Variants in HS6ST3 observed in about 807,000 individuals in gnomAD.
The protein encoded by HS6ST3 is heparan sulfate 6-O-sulfotransferase 3.
HS6ST3 carries 12 observed loss-of-function variants against 36.7 expected under a neutral mutation model. The observed-to-expected ratio is 0.33, with a 90% CI of 0.21 to 0.53. The LOEUF (loss-of-function observed/expected upper bound fraction) is 0.53, where lower values mean the gene tolerates loss of function less well. HS6ST3 is among the 20% of genes least tolerant of loss of function. The pLI is 0.95. For synonymous variants in HS6ST3, 240 were observed against 257.5 expected (o/e 0.93, Z 0.65); for missense variants, 584 against 640.9 (o/e 0.91, Z 0.96).
chr13:96,244,636 G>A (rs2054576448), intron 1 of HS6ST3, among the ~76,000 whole-genome samples: 1 of 152,124 alleles, frequency 6.6e-6, no homozygotes, highest in Non-Finnish European at 1.5e-5. Flanking sequence ...AAAAAATACT[G>A]TTTTCTTCAC....
intron 1 of HS6ST3, among the ~76,000 whole-genome samples, chr13:96,550,963 A>G (rs1048137083): frequency 1.6e-4 from 25 of 152,182 alleles, no homozygotes; most frequent in African/African-American, 6.0e-4. Flanking sequence ...AGTAATTATA[A>G]AATTATTAAC....
intron 1 of HS6ST3, among the ~76,000 whole-genome samples, chr13:96,727,243 A>G (rs1876027491): frequency 6.6e-6 from 1 of 152,202 alleles, no homozygotes; most frequent in African/African-American, 2.4e-5. Context: ...AAGTGGGGAT[A>G]ATAAAGGTGC....
intron 1 of HS6ST3, among the ~76,000 whole-genome samples, chr13:96,282,565 T>G (rs1449115669): frequency 6.6e-6 from 1 of 152,146 alleles, no homozygotes; most frequent in Admixed American, 6.6e-5. Context: ...TGCCAGGAAT[T>G]AAACCTACAT....
intron 1 of HS6ST3, among the ~76,000 whole-genome samples, chr13:96,448,567 A>G (rs993177748): frequency 6.6e-6 from 1 of 151,778 alleles, no homozygotes; most frequent in Non-Finnish European, 1.5e-5. Context: ...ACTCAAAATA[A>G]TGGTGATATC....
chr13:96,744,196 T>C (rs1430832526), intron 1 of HS6ST3, among the ~76,000 whole-genome samples: 1 of 152,084 alleles, frequency 6.6e-6, no homozygotes, highest in East Asian at 1.9e-4. Flanking sequence ...ATTTTAATTT[T>C]TTTTCTCTTT....
At chr13:96,207,301 A>G (rs1288220393) in intron 1 of HS6ST3, among the ~76,000 whole-genome samples, 1 of 152,080 alleles carries the variant, frequency 6.6e-6, no homozygotes, top group Non-Finnish European at 1.5e-5. Context: ...AAGTCACAAA[A>G]CAACAGATGC....
At chr13:96,210,257 A>G (rs186765531) in intron 1 of HS6ST3, among the ~76,000 whole-genome samples, 91 of 152,336 alleles carry the variant, frequency 6.0e-4, no homozygotes, top group Non-Finnish European at 7.1e-4. Context: ...TTCCATTTCA[A>G]AATATTTTCC....
intron 1 of HS6ST3, among the ~76,000 whole-genome samples, chr13:96,248,020 CAAGTT>C (rs1252774486): frequency 1.3e-5 from 2 of 152,078 alleles, no homozygotes; most frequent in African/African-American, 2.4e-5. Flanking sequence ...TAATATAAGA[CAAGTT>C]AAGATAATCA....
intron 1 of HS6ST3, among the ~76,000 whole-genome samples, chr13:96,548,336 G>C (rs560877853): frequency 6.6e-6 from 1 of 152,066 alleles, no homozygotes; most frequent in South Asian, 2.1e-4. Flanking sequence ...ACATCTGCAG[G>C]AATCAATCCC....
intron 1 of HS6ST3, among the ~76,000 whole-genome samples, chr13:96,492,285 ACT>A (rs2055950271): frequency 1.6e-4 from 24 of 152,084 alleles, no homozygotes; most frequent in Admixed American, 1.6e-3. Flanking sequence ...AACTAAAAAG[ACT>A]CTCAGTTCTC....
chr13:96,123,447 T>C (rs2053935863), intron 1 of HS6ST3, among the ~76,000 whole-genome samples: 1 of 152,228 alleles, frequency 6.6e-6, no homozygotes, highest in African/African-American at 2.4e-5. Flanking sequence ...AATGGTATTA[T>C]GAATGGGTGG....
intron 1 of HS6ST3, among the ~76,000 whole-genome samples, chr13:96,732,688 G>A (rs1876189548): frequency 6.6e-6 from 1 of 152,114 alleles, no homozygotes; most frequent in South Asian, 2.1e-4. Flanking sequence ...TGTGAAAAAT[G>A]TAACTGGCAT....
chr13:96,644,860 G>A (rs1321424853), intron 1 of HS6ST3, among the ~76,000 whole-genome samples: 1 of 151,834 alleles, frequency 6.6e-6, no homozygotes, highest in African/African-American at 2.4e-5. Context: ...TTCCCTCTAT[G>A]GATCTTTCTG....
intron 1 of HS6ST3, among the ~76,000 whole-genome samples, chr13:96,796,065 C>T (rs1279399163): frequency 6.6e-6 from 1 of 152,138 alleles, no homozygotes; most frequent in African/African-American, 2.4e-5. Context: ...GATAGAAGAT[C>T]TGTTTCCAAT....
chr13:96,457,722 G>A (rs1286670844), intron 1 of HS6ST3, among the ~76,000 whole-genome samples: 2 of 152,002 alleles, frequency 1.3e-5, no homozygotes, highest in Non-Finnish European at 2.9e-5. Context: ...ACATATTTCT[G>A]TATCAAGGAG....
chr13:96,462,083 A>G (rs1219573561), intron 1 of HS6ST3, among the ~76,000 whole-genome samples: 1 of 152,150 alleles, frequency 6.6e-6, no homozygotes, highest in African/African-American at 2.4e-5. Flanking sequence ...TTTTTCAGGC[A>G]GGGTCTGACA....
chr13:96,656,045 T>C (rs2139015790), intron 1 of HS6ST3, among the ~76,000 whole-genome samples: 1 of 152,298 alleles, frequency 6.6e-6, no homozygotes, highest in Admixed American at 6.5e-5. Context: ...CTAATTGATA[T>C]AATCCCCTCA....
At chr13:96,614,131 T>C (rs1227172538) in intron 1 of HS6ST3, among the ~76,000 whole-genome samples, 1 of 151,398 alleles carries the variant, frequency 6.6e-6, no homozygotes, top group Non-Finnish European at 1.5e-5. Flanking sequence ...ACCCCGTCTC[T>C]ACTAAAAATA....
chr13:96,444,085 A>C (rs930148071), intron 1 of HS6ST3, among the ~76,000 whole-genome samples: 8 of 152,238 alleles, frequency 5.3e-5, no homozygotes, highest in Non-Finnish European at 2.9e-5. Context: ...GAGAGATGGC[A>C]GGGATGAGGA....
Sources: allele counts gnomAD v4.1 joint callset (sites outside exome capture counted in the v4.1 genomes callset), GRCh38; gene constraint gnomAD v4.1.1; transcripts MANE v1.5; gene names NCBI Gene and HGNC (gene_info 2026-07-23, HGNC 2026-07-21).